DNAH12: variants seen among roughly 807,000 people sequenced by gnomAD.
DNAH12 encodes the protein axonemal beta dynein heavy chain 12.
A neutral mutation model predicts 371.5 loss-of-function variants in DNAH12; 285 were observed. The ratio of observed to expected loss-of-function variants is 0.77; its 90% CI spans 0.70 to 0.85. The LOEUF (loss-of-function observed/expected upper bound fraction) is 0.85. Among genes scored for constraint, DNAH12 ranks in the 40% least tolerant of loss-of-function variants. DNAH12 has a pLI of 0.00. For missense variants in DNAH12, 3,611 were observed against 3,689.4 expected (o/e 0.98, Z 0.55); for synonymous variants, 1,200 against 1,213.0 (o/e 0.99, Z 0.22).
At chr3:57,398,774 A>G (rs1264517062) in intron 43 of DNAH12, among the ~76,000 whole-genome samples, 1 of 152,210 alleles carries the variant, frequency 6.6e-6, no homozygotes, top group African/African-American at 2.4e-5. Flanking sequence ...CCTTAGTACT[A>G]TATCTGCCTG....
At chr3:57,343,516 C>T (rs1173719025) in intron 60 of DNAH12, among the ~76,000 whole-genome samples, 1 of 152,250 alleles carries the variant, frequency 6.6e-6, no homozygotes, top group Non-Finnish European at 1.5e-5. Flanking sequence ...TGCGGAAAGC[C>T]GCAGGGGCCT....
chr3:57,321,043 T>C (rs1424153806), intron 65 of DNAH12, among the ~76,000 whole-genome samples: 3 of 152,294 alleles, frequency 2.0e-5, no homozygotes, highest in Middle Eastern at 3.4e-3. Flanking sequence ...GTGAGAATGC[T>C]TCTTCTCTAA....
In DNAH12 at chr3:57,435,626, G is replaced by C. The variant is rs138296326; in HGVS notation, c.4655+1325C>G. On this transcript the variant is annotated intron_variant, in intron 30 of 73. Coordinates refer to ENST00000495027, the MANE Select transcript of DNAH12 (RefSeq NM_001366028.2). ...AGTTTACTGACCAAAAAAACTGTGA[G>C]TCTAGTCTAAAACATAAGTGAATGT... Among the ~76,000 whole-genome samples the C allele has an allele frequency of 4.5e-3, 680 of 152,054 alleles. 2 individuals carry two copies. Among genetic ancestry groups the C allele is most frequent in the African/African-American group, 0.015 (609 of 41,478 alleles).
intron 69 of DNAH12, among the ~76,000 whole-genome samples, chr3:57,304,079 G>A (rs2107662024): frequency 7.1e-6 from 1 of 141,306 alleles, no homozygotes; most frequent in African/African-American, 2.7e-5. Context: ...GCCCGCCAGA[G>A]AACAACCCCC....
intron 43 of DNAH12, among the ~76,000 whole-genome samples, chr3:57,399,563 C>G: frequency 6.6e-6 from 1 of 152,220 alleles, no homozygotes. Flanking sequence ...AAAACAACCA[C>G]AAGAAAGGAT....
chr3:57,408,386 G>C lies in DNAH12; in HGVS notation c.6170C>G (p.Thr2057Ser), dbSNP rs1256719292. The C allele has an allele frequency of 6.4e-7, 1 of 1,551,458 alleles. No homozygotes were observed. The highest frequency in any genetic ancestry group is 2.4e-5 in the East Asian group (1 of 40,922). Residue 2057 changes from threonine (T) to serine (S), a missense_variant, in exon 40 of 74, where the codon ACT becomes AGT. By Grantham distance (58) the Thr-to-Ser change is moderately conservative (BLOSUM62 1). Coordinates refer to ENST00000495027, the MANE Select transcript of DNAH12 (RefSeq NM_001366028.2). ...AATAGATGAGAAGATTCGGACCATAGTTTCATCACTAAAAGAATTAATACT... is the reference window on the plus strand; with the variant it reads ...AATAGATGAGAAGATTCGGACCATACTTTCATCACTAAAAGAATTAATACT... Reference protein sequence around the residue: ...ICSINSFSDETMVRIFSSIVA... With the variant: ...ICSINSFSDESMVRIFSSIVA...
intron 62 of DNAH12, 51 bp from the exon 63 acceptor site, chr3:57,323,670 T>C (rs942910379): frequency 2.0e-5 from 29 of 1,442,256 alleles, no homozygotes; most frequent in Admixed American, 3.0e-5. Context: ...TTTCACATAA[T>C]GGATATGAAT....
intron 27 of DNAH12, 121 bp from the exon 28 acceptor site, chr3:57,445,540 A>C: frequency 1.1e-6 from 1 of 891,910 alleles, no homozygotes; most frequent in African/African-American, 1.8e-5. Flanking sequence ...ACCTTTTTCT[A>C]AACTCTAATT....
rs369076466 is a variant in DNAH12 at position 57,537,725 on chromosome 3, G to A, written c.170+4976C>T. Among the ~76,000 whole-genome samples, 6 of 144,368 alleles carry A rather than the reference G, an allele frequency of 4.2e-5. No homozygotes were observed. The South Asian group carries it at 6.4e-4, about 15-fold the overall frequency. The allele number at this position is 144,368 out of a possible 152,430, so 94.7% of individuals were successfully genotyped here. A position where few individuals can be genotyped will look rare whatever the true frequency, so the allele number is the denominator to read the frequency against. The stretch of plus-strand genomic sequence containing the variant: ...TTTTGAGACAGAGTCTTGCTCTGTC[G>A]CCAGGCTGGAGCGCAGTGGCATGAT... On this transcript the variant is annotated intron_variant, in intron 2 of 73. Coordinates refer to ENST00000495027, the MANE Select transcript of DNAH12 (RefSeq NM_001366028.2).
chr3:57,319,457 C>G (rs2061757137), intron 65 of DNAH12, among the ~76,000 whole-genome samples: 1 of 152,156 alleles, frequency 6.6e-6, no homozygotes, highest in African/African-American at 2.4e-5. Flanking sequence ...TCTGATCTTA[C>G]AGGAAAAATT....
Position 57,405,021 on chromosome 3 carries a change from A to C in DNAH12, c.6703T>G (p.Leu2235Val). 1 of 1,544,192 alleles carries C rather than the reference A, an allele frequency of 6.5e-7. No individual in the cohort carries two copies. The highest frequency in any genetic ancestry group is 8.7e-7 in the Non-Finnish European group (1 of 1,144,856). Residue 2235 changes from leucine to valine, a missense_variant, in exon 42 of 74, where the codon TTA (leucine) becomes GTA (valine). Coordinates refer to ENST00000495027, the MANE Select transcript of DNAH12 (RefSeq NM_001366028.2). ...HHFSDVVDQC[L>V]DEYNQTHKTR... is the part of the protein sequence containing the mutation. ...TTGTGTGTTTGATTATACTCATCTAAGCACTGGTCCACAACATCACTAAAA... is the reference window on the plus strand; with the variant it reads ...TTGTGTGTTTGATTATACTCATCTACGCACTGGTCCACAACATCACTAAAA...
Position 57,408,492 on chromosome 3 carries a change from C to A in DNAH12, c.6064G>T (p.Glu2022Ter), listed in dbSNP as rs924014926. The change falls in exon 40 of 74, where the codon GAG becomes TAG. Residue 2022 changes from glutamate to a stop codon, truncating the protein, a stop_gained. Coordinates refer to ENST00000495027, the MANE Select transcript of DNAH12 (RefSeq NM_001366028.2). LOFTEE classifies it high-confidence loss of function. The part of the protein sequence containing the change: ...DTSKITLVDI[E>*]LIAAMGPPGG... ...GGAGGGCCCATTGCAGCAATCAGCT[C>A]TATGTCCACCAGCGTGATTTTACTT... 3.2e-6 allele frequency: 5 copies of A among 1,550,746 alleles called. No homozygotes were observed.
At chr3:57,427,248 T>C (rs2064806713) in intron 34 of DNAH12, among the ~76,000 whole-genome samples, 1 of 151,700 alleles carries the variant, frequency 6.6e-6, no homozygotes, top group Non-Finnish European at 1.5e-5. Flanking sequence ...AACCTATAAA[T>C]GTGATCTTAT....
chr3:57,551,332 C>T, the DNAH12 span, among the ~76,000 whole-genome samples: 14 of 151,822 alleles, frequency 9.2e-5, no homozygotes, highest in African/African-American at 2.9e-4. Context: ...AGTGCAGTGG[C>T]GCGATCTCGG....
chr3:57,407,299 C>G (rs1376279446), intron 40 of DNAH12, among the ~76,000 whole-genome samples: 4 of 127,566 alleles, frequency 3.1e-5, no homozygotes, highest in Non-Finnish European at 6.7e-5. Flanking sequence ...AAAAAAAAAG[C>G]CGGGGGTAGG....
intron 29 of DNAH12, 99 bp downstream of exon 29, chr3:57,444,598 A>T (rs2065416725): frequency 2.7e-6 from 4 of 1,495,050 alleles, no homozygotes; most frequent in Non-Finnish European, 3.6e-6. Context: ...GATTTTCCTC[A>T]AAACAGAATA....
At chr3:57,418,637 C>T (rs2064467403) in intron 37 of DNAH12, among the ~76,000 whole-genome samples, 1 of 151,344 alleles carries the variant, frequency 6.6e-6, no homozygotes, top group Admixed American at 6.6e-5. Context: ...ACTACGGACA[C>T]AAAATAGGGG....
At chr3:57,519,349 T>C (rs770447832) in intron 4 of DNAH12, among the ~76,000 whole-genome samples, 8 of 152,204 alleles carry the variant, frequency 5.3e-5, no homozygotes, top group Non-Finnish European at 1.2e-4. Flanking sequence ...GCCTGTTGTA[T>C]AGAAATGGGT....
At chr3:57,438,392 T>C (rs2065197375) in intron 29 of DNAH12, among the ~76,000 whole-genome samples, 2 of 152,054 alleles carry the variant, frequency 1.3e-5, no homozygotes, top group Non-Finnish European at 2.9e-5. Context: ...ATACACATTG[T>C]TTAACATACA....
Sources: allele counts gnomAD v4.1 joint callset (sites outside exome capture counted in the v4.1 genomes callset), GRCh38; gene constraint gnomAD v4.1.1; transcripts MANE v1.5; gene names NCBI Gene and HGNC (gene_info 2026-07-23, HGNC 2026-07-21).